Variants in GSK3B observed in about 807,000 individuals in gnomAD.
The protein encoded by GSK3B is glycogen synthase kinase-3 beta.
In GSK3B, 15 loss-of-function variants were observed where a neutral mutation model predicts 56.4. That is an observed-to-expected ratio of 0.27 (90% confidence interval 0.18 to 0.41). The LOEUF is 0.41. Among genes scored for constraint, GSK3B ranks in the 10% least tolerant of loss-of-function variants. GSK3B has a pLI of 1.00. For missense variants in GSK3B, 300 were observed against 513.4 expected, an observed-to-expected ratio of 0.58 and a Z score of 4.02; for synonymous variants, 181 against 188.9, an observed-to-expected ratio of 0.96 and a Z score of 0.34.
chr3:119,893,291 A>C (rs1171578913), intron 7 of GSK3B, among the ~76,000 whole-genome samples: 3 of 152,006 alleles, frequency 2.0e-5, no homozygotes, highest in Non-Finnish European at 4.4e-5. Flanking sequence ...GAACCACCGC[A>C]CCCAGCAGGT....
rs200371314 is a variant in GSK3B, at chr3:120,002,344, A to AT, written c.89-106dup. ...AACTATATTCTTTATTTTTTATTTT[A>AT]TTTTTTTTTTTGAGATGGAGTCTCA... is the stretch of plus-strand genomic sequence containing the variant. On this transcript the variant is annotated intron_variant, in intron 1 of 10. Transcript: ENST00000264235. 48,130 of 434,992 alleles carry AT rather than the reference A, an allele frequency of 0.11. 886 individuals carry two copies. Among genetic ancestry groups the AT allele is most frequent in the Middle Eastern group, 0.14 (206 of 1,452 alleles). 26.9% of individuals were successfully genotyped at this position (434,992 alleles called of 1,614,324 possible).
At chr3:119,893,578 G>A (rs922103302) in intron 7 of GSK3B, among the ~76,000 whole-genome samples, 2 of 152,088 alleles carry the variant, frequency 1.3e-5, no homozygotes, top group African/African-American at 4.8e-5. Flanking sequence ...CACATTATTT[G>A]AGCACAAGTA....
chr3:119,984,563 A>G (rs1169398935), intron 2 of GSK3B, among the ~76,000 whole-genome samples: 1 of 152,196 alleles, frequency 6.6e-6, no homozygotes, highest in Admixed American at 6.5e-5. Context: ...AATACAAACT[A>G]CCATCAGAGA....
At chr3:119,835,920 G>C (rs768892419) in intron 10 of GSK3B, among the ~76,000 whole-genome samples, 21 of 152,276 alleles carry the variant, frequency 1.4e-4, no homozygotes, top group Non-Finnish European at 2.5e-4. Context: ...AGAAAAGCAA[G>C]CATCTAATAA....
chr3:120,045,403 C>T (rs1351031777), intron 1 of GSK3B, among the ~76,000 whole-genome samples: 2 of 152,134 alleles, frequency 1.3e-5, no homozygotes, highest in African/African-American at 2.4e-5. Context: ...CCCTTGGTTA[C>T]CCACTCTGCA....
At chr3:119,847,761 T>C (rs986040486) in intron 9 of GSK3B, among the ~76,000 whole-genome samples, 3 of 152,248 alleles carry the variant, frequency 2.0e-5, no homozygotes, top group Non-Finnish European at 2.9e-5. Context: ...TTTCCTGTCC[T>C]ACTATGTCAA....
chr3:119,875,910 T>C (rs2056306245), intron 8 of GSK3B, among the ~76,000 whole-genome samples: 7 of 152,102 alleles, frequency 4.6e-5, no homozygotes, highest in Admixed American at 3.3e-4. Flanking sequence ...TTTTAATGTA[T>C]ACTCCCAGCA....
intron 4 of GSK3B, among the ~76,000 whole-genome samples, chr3:119,916,537 A>G (rs184681269): frequency 1.6e-3 from 246 of 152,310 alleles, no homozygotes; most frequent in African/African-American, 5.4e-3. Flanking sequence ...ACCCCAAATC[A>G]TGAATAATCA....
At chr3:120,027,929 G>T (rs550263735) in intron 1 of GSK3B, among the ~76,000 whole-genome samples, 2 of 152,040 alleles carry the variant, frequency 1.3e-5, no homozygotes, top group Non-Finnish European at 1.5e-5. Flanking sequence ...TCTTTCCAAA[G>T]AAGTATTACT....
At chr3:119,839,752 C>G (rs2055744171) in intron 10 of GSK3B, among the ~76,000 whole-genome samples, 1 of 152,188 alleles carries the variant, frequency 6.6e-6, no homozygotes, top group South Asian at 2.1e-4. Context: ...CTGTCATAAA[C>G]TAAAAGTGGC....
At chr3:120,009,276 C>T (rs774674092) in intron 1 of GSK3B, among the ~76,000 whole-genome samples, 33 of 152,122 alleles carry the variant, frequency 2.2e-4, no homozygotes, top group South Asian at 6.2e-4. Flanking sequence ...GACAGTGTAG[C>T]GATTCCTCAA....
At chr3:120,089,790 T>G (rs1021872730) in intron 1 of GSK3B, among the ~76,000 whole-genome samples, 3 of 152,304 alleles carry the variant, frequency 2.0e-5, no homozygotes, top group Non-Finnish European at 4.4e-5. Context: ...TAAAATATCA[T>G]GTGATTCTAA....
In GSK3B at chr3:120,002,257, A is replaced by T. The variant is rs2057684897; in HGVS notation, c.89-18T>A. Reference sequence around the variant, plus strand: ...CTTGTCTCCTAAAGGAAGAAAGGAAATTTTTTTTTCACGAGAACTGTAAGG... The same window carrying T: ...CTTGTCTCCTAAAGGAAGAAAGGAATTTTTTTTTTCACGAGAACTGTAAGG... On this transcript the variant is annotated intron_variant, in intron 1 of 10. Transcript: ENST00000264235. The T allele has an allele frequency of 4.1e-6, 6 of 1,476,982 alleles. No individual in the cohort carries two copies. Among genetic ancestry groups the T allele is most frequent in the African/African-American group, 1.4e-5 (1 of 69,082 alleles). 91.5% of individuals were successfully genotyped at this position (1,476,982 alleles called of 1,614,324 possible).
intron 10 of GSK3B, among the ~76,000 whole-genome samples, chr3:119,835,178 C>T (rs1304555280): frequency 1.3e-5 from 2 of 152,218 alleles, no homozygotes; most frequent in African/African-American, 4.8e-5. Context: ...TGTACTTCCC[C>T]TACTCCCACT....
At chr3:119,836,855 G>A (rs146156803) in intron 10 of GSK3B, among the ~76,000 whole-genome samples, 3 of 152,286 alleles carry the variant, frequency 2.0e-5, no homozygotes, top group African/African-American at 7.2e-5. Context: ...TTTCTAGTAG[G>A]CTCTGCCTTG....
chr3:120,032,074 C>T (rs2057981018), intron 1 of GSK3B, among the ~76,000 whole-genome samples: 1 of 151,882 alleles, frequency 6.6e-6, no homozygotes, highest in Admixed American at 6.6e-5. Context: ...GATTTTAAGG[C>T]CTTAATTTTT....
chr3:120,086,965 C>T (rs1327691920), intron 1 of GSK3B, among the ~76,000 whole-genome samples: 1 of 152,164 alleles, frequency 6.6e-6, no homozygotes, highest in Non-Finnish European at 1.5e-5. Context: ...TTAATCAGTA[C>T]CTATCCATTC....
At position 119,824,215 on chromosome 3, in the gene GSK3B, G is replaced by A. The variant is rs2055462047; in HGVS notation, c.*2573C>T. On this transcript the variant is annotated 3_prime_UTR_variant, in exon 11 of 11. Coordinates refer to ENST00000264235, the MANE Select transcript of GSK3B (RefSeq NM_001146156.2). ...AATGTACAAGCTTGAATTTGGTGAG[G>A]AGCTTTTTATTATTATTATATACAA... The A allele has an allele frequency of 4.7e-6, 1 of 211,668 alleles. No individual in the cohort carries two copies. The highest frequency in any genetic ancestry group is 2.3e-5 in the African/African-American group (1 of 44,068). The allele number at this position is 211,668 out of a possible 1,614,324, so 13.1% of individuals were successfully genotyped here.
intron 3 of GSK3B, among the ~76,000 whole-genome samples, chr3:119,933,205 A>G (rs974076778): frequency 6.6e-6 from 1 of 152,262 alleles, no homozygotes; most frequent in African/African-American, 2.4e-5. Flanking sequence ...TAATAAAGAT[A>G]GCAATAAGCC....
Sources: allele counts gnomAD v4.1 joint callset (sites outside exome capture counted in the v4.1 genomes callset), GRCh38; gene constraint gnomAD v4.1.1; transcripts MANE v1.5; gene names NCBI Gene and HGNC (gene_info 2026-07-23, HGNC 2026-07-21).